PALD1: variants seen among roughly 807,000 people sequenced by gnomAD.
PALD1 encodes the protein paladin.
Under a neutral mutation model 96.0 loss-of-function variants are expected in PALD1, and 57 were observed. The observed-to-expected ratio is 0.59, with a 90% confidence interval of 0.48 to 0.74. The LOEUF (loss-of-function observed/expected upper bound fraction) is 0.74. PALD1 is among the 30% of genes least tolerant of loss of function. The pLI is 0.00. For synonymous variants in PALD1, 464 were observed against 473.6 expected (o/e 0.98, Z 0.26); for missense variants, 1,063 against 1,143.7 (o/e 0.93, Z 1.02).
At chr10:70,506,494 G>T (rs1846394363) in intron 1 of PALD1, among the ~76,000 whole-genome samples, 2 of 152,194 alleles carry the variant, frequency 1.3e-5, no homozygotes. Context: ...TGAGCACAGT[G>T]CCTGGCACGC....
At chr10:70,505,831 G>A (rs1846376870) in intron 1 of PALD1, among the ~76,000 whole-genome samples, 1 of 151,142 alleles carries the variant, frequency 6.6e-6, no homozygotes, top group African/African-American at 2.4e-5. Flanking sequence ...GACCATCCTG[G>A]ACAACATGGC....
rs1474181093 is a variant in PALD1, at chr10:70,540,890, G to GT, written c.1909-211dup. ...CTCACACATCCTGTCCAGGTGCTTG[G>GT]TGTGAGGGTGATTACGACTGCACAG... is the stretch of plus-strand genomic sequence containing the variant. On this transcript the variant is annotated intron_variant, in intron 15 of 19. Transcript: ENST00000263563. This position sits in a 1 kb window ranked among gnomAD's most constrained non-coding sequence, Gnocchi z 4.2. 6.6e-6 allele frequency among the ~76,000 whole-genome samples: 1 copy of GT among 152,340 alleles called. No homozygotes were observed. The highest frequency in any genetic ancestry group is 1.9e-4 in the East Asian group (1 of 5,186).
intron 1 of PALD1, among the ~76,000 whole-genome samples, chr10:70,509,515 G>A (rs1179377640): frequency 6.6e-6 from 1 of 152,234 alleles, no homozygotes; most frequent in African/African-American, 2.4e-5. Context: ...CCAGAGTGGG[G>A]AGGTGAGGCA....
At chr10:70,480,611 C>T (rs1845913706) in intron 1 of PALD1, among the ~76,000 whole-genome samples, 1 of 152,234 alleles carries the variant, frequency 6.6e-6, no homozygotes, top group Admixed American at 6.5e-5. Context: ...TTGTCCCTGG[C>T]AGGTTTCTGT....
At chr10:70,477,561 T>TA (rs1181591755), upstream of PALD1, among the ~76,000 whole-genome samples, 1 of 152,154 alleles carries the variant, frequency 6.6e-6, no homozygotes, top group African/African-American at 2.4e-5. Context: ...CCTCATTTGT[T>TA]AAAATAGGGA....
chr10:70,466,496 G>C, the PALD1 span, among the ~76,000 whole-genome samples: 1 of 152,140 alleles, frequency 6.6e-6, no homozygotes, highest in African/African-American at 2.4e-5. Context: ...GCCCATCTCA[G>C]CTTCCCAAAG....
the PALD1 span, among the ~76,000 whole-genome samples, chr10:70,463,293 ACCAG>A: frequency 6.6e-6 from 1 of 152,104 alleles, no homozygotes; most frequent in Non-Finnish European, 1.5e-5. Context: ...AGTCCCAGCT[ACCAG>A]CTACGGGGAG....
At chr10:70,501,834 T>TGTGTGTGTGTGTGTGCGC (rs774868338) in intron 1 of PALD1, among the ~76,000 whole-genome samples, 4,721 of 149,346 alleles carry the variant, frequency 0.032, 121 homozygotes, top group Admixed American at 0.085. Context: ...TGTGTGTGTG[T>TGTGTGTGTGTGTGTGCGC]GCGTGCGTGC....
the PALD1 span, among the ~76,000 whole-genome samples, chr10:70,472,043 C>G: frequency 6.6e-6 from 1 of 152,214 alleles, no homozygotes; most frequent in Non-Finnish European, 1.5e-5. Flanking sequence ...TAAGCAACCC[C>G]TCCAAGTGCC....
chr10:70,529,166 C>A, intron 2 of PALD1, 63 bp from the exon 3 acceptor site: 1 of 640,456 alleles, frequency 1.6e-6, no homozygotes, highest in Non-Finnish European at 2.8e-6. Context: ...GAGGGTGGAG[C>A]TGGCCTTGAC....
intron 3 of PALD1, 79 bp from the exon 4 acceptor site, chr10:70,529,810 G>A: frequency 3.8e-6 from 5 of 1,318,420 alleles, no homozygotes; most frequent in Non-Finnish European, 5.3e-6. Flanking sequence ...CCTGTCCCCT[G>A]GAGCCCAGGA....
chr10:70,461,286 C>T, the PALD1 span, among the ~76,000 whole-genome samples: 1 of 152,232 alleles, frequency 6.6e-6, no homozygotes, highest in East Asian at 1.9e-4. Context: ...TAAGGGATGA[C>T]CTCCTTGGAG....
chr10:70,464,940 TGTATGTATGTATGTATG>T, the PALD1 span, among the ~76,000 whole-genome samples: 592 of 76,898 alleles, frequency 7.7e-3, 9 homozygotes, highest in African/African-American at 0.047. Flanking sequence ...TATGTACACT[TGTATGTATGTATGTATG>T]TATGTATGTA....
At chr10:70,487,283 G>A (rs1263528068) in intron 1 of PALD1, among the ~76,000 whole-genome samples, 2 of 137,998 alleles carry the variant, frequency 1.4e-5, no homozygotes, top group Non-Finnish European at 3.3e-5. Flanking sequence ...ACAGGCGCCC[G>A]CCACCATGCC....
At chr10:70,487,408 C>T (rs4747037) in intron 1 of PALD1, among the ~76,000 whole-genome samples, 10,183 of 151,984 alleles carry the variant, frequency 0.067, 1,010 homozygotes, top group East Asian at 0.5. Context: ...GCTGGGATTA[C>T]AGGCGTGAAC....
At chr10:70,460,989 A>G in the PALD1 span, among the ~76,000 whole-genome samples, 1 of 152,204 alleles carries the variant, frequency 6.6e-6, no homozygotes, top group Non-Finnish European at 1.5e-5. Context: ...CAAGAGGCAG[A>G]GGTTGCAGTG....
chr10:70,555,386 A>G (rs899241439), intron 18 of PALD1, among the ~76,000 whole-genome samples: 5 of 152,290 alleles, frequency 3.3e-5, no homozygotes, highest in African/African-American at 1.2e-4. Context: ...ACTGAGGCCT[A>G]ATGAAGTTTT....
intron 1 of PALD1, among the ~76,000 whole-genome samples, chr10:70,503,007 A>G (rs60619291): frequency 0.17 from 25,978 of 152,006 alleles, 2,511 homozygotes; most frequent in Admixed American, 0.24. Context: ...CAGCCTCCTG[A>G]GTAGCTGGGA....
intron 1 of PALD1, among the ~76,000 whole-genome samples, chr10:70,490,689 T>C (rs58474129): frequency 0.024 from 3,695 of 152,310 alleles, 153 homozygotes; most frequent in African/African-American, 0.083. Context: ...CTTGGGTTGA[T>C]GGTAGAGAGC....
Sources: gnomAD v4.1 joint callset for allele counts (sites outside exome capture counted in the v4.1 genomes callset) on GRCh38, gnomAD v4.1.1 for gene constraint, Gnocchi (gnomAD v3.1) non-coding constraint, MANE v1.5 for transcripts, NCBI Gene and HGNC (gene_info 2026-07-23, HGNC 2026-07-21) for gene names.